Variants in UBA2 observed in about 807,000 individuals in gnomAD.
UBA2 encodes SUMO-activating enzyme subunit 2.
In UBA2, 11 loss-of-function variants were observed where a neutral mutation model predicts 77.2. The ratio of observed to expected loss-of-function variants is 0.14; its 90% CI spans 0.09 to 0.24. The LOEUF (loss-of-function observed/expected upper bound fraction) is 0.24. UBA2 is among the 10% of genes least tolerant of loss of function. UBA2 has a pLI of 1.00. For missense variants in UBA2, 487 were observed against 781.7 expected (o/e 0.62, Z 4.50); for synonymous variants, 278 against 276.7 (o/e 1.00, Z -0.05).
Position 34,445,007 on chromosome 19 carries a change from A to T in UBA2, c.657A>T (p.Pro219=), listed in dbSNP as rs143070624. Residue 219 remains proline, a synonymous_variant, in exon 8 of 17, where the codon CCA becomes CCT. Coordinates refer to ENST00000246548, the MANE Select transcript of UBA2 (RefSeq NM_005499.3). The part of the protein sequence containing the change: ...DRADPEAAWE[P]TEAEARARAS... ...ATAATGATCGTTTTATAGGGGAACC[A>T]ACGGAAGCCGAAGCCAGAGCTAGAG... 3.1e-6 allele frequency: 5 copies of T among 1,612,138 alleles called. No homozygotes were observed. In the African/African-American group the frequency reaches 6.7e-5, roughly 22 times the overall value.
intron 1 of UBA2, chr19:34,428,863 T>C: frequency 9.3e-7 from 1 of 1,076,388 alleles, no homozygotes; most frequent in Non-Finnish European, 1.1e-6. Context: ...AAGCCGCCTC[T>C]TATCCTCCCT....
chr19:34,434,580 G>C (rs759681034), intron 4 of UBA2, among the ~76,000 whole-genome samples: 9 of 152,202 alleles, frequency 5.9e-5, no homozygotes, highest in Non-Finnish European at 1.3e-4. Context: ...AGTGTTTTGT[G>C]TAAGGTACAG....
intron 10 of UBA2, 112 bp downstream of exon 10, chr19:34,452,259 A>G: frequency 2.0e-6 from 2 of 992,914 alleles, no homozygotes; most frequent in East Asian, 5.3e-5. Flanking sequence ...TTGAGGAAAT[A>G]TATTGATTTG....
intron 12 of UBA2, among the ~76,000 whole-genome samples, chr19:34,455,944 G>A (rs1204380071): frequency 1.3e-5 from 2 of 150,218 alleles, no homozygotes; most frequent in Admixed American, 6.8e-5. Flanking sequence ...CACTGCGCCC[G>A]GCCTTTTTTT....
intron 15 of UBA2, 71 bp downstream of exon 15, chr19:34,464,202 AGT>A: frequency 9.2e-7 from 1 of 1,091,514 alleles, no homozygotes; most frequent in Non-Finnish European, 1.4e-6. Flanking sequence ...ATGAAGGAAA[AGT>A]GTTTTCTTAT....
At chr19:34,432,200 A>G (rs572305839) in intron 3 of UBA2, among the ~76,000 whole-genome samples, 1 of 152,328 alleles carries the variant, frequency 6.6e-6, no homozygotes, top group African/African-American at 2.4e-5. Context: ...GTAAGAAGAT[A>G]TTTTAAACTA....
In UBA2 at chr19:34,431,150, C is replaced by T. The variant is rs115568168; in HGVS notation, c.222+491C>T. ...TTTTTCTTTCATATTTTGGCTTCCTCCTCCAGGAGTACTTTCCTAAACCTT... is the reference window on the plus strand; with the variant it reads ...TTTTTCTTTCATATTTTGGCTTCCTTCTCCAGGAGTACTTTCCTAAACCTT... On this transcript the variant is annotated intron_variant, in intron 2 of 16. Transcript: ENST00000246548. Among the ~76,000 whole-genome samples the T allele has an allele frequency of 3.7e-3, 561 of 151,996 alleles. 2 individuals carry two copies. Among genetic ancestry groups the T allele is most frequent in the African/African-American group, 0.013 (532 of 41,452 alleles).
Position 34,430,726 on chromosome 19 carries a change from C to T in UBA2, c.222+67C>T, listed in dbSNP as rs954642779. 37 of 1,297,418 alleles carry T rather than the reference C, an allele frequency of 2.9e-5. No individual in the cohort carries two copies. In the African/African-American group the frequency reaches 4.8e-4, roughly 17 times the overall value. 80.4% of individuals were successfully genotyped at this position (1,297,418 alleles called of 1,614,324 possible). On this transcript the variant is annotated intron_variant, in intron 2 of 16. Coordinates refer to ENST00000246548, the MANE Select transcript of UBA2 (RefSeq NM_005499.3). ...TTCTATTTGTGATACCAGATTAATCCTGCCTGTCATATAGGAGGGAAAAAA... is the reference window on the plus strand; with the variant it reads ...TTCTATTTGTGATACCAGATTAATCTTGCCTGTCATATAGGAGGGAAAAAA...
intron 8 of UBA2, among the ~76,000 whole-genome samples, chr19:34,445,824 CCT>C (rs566224676): frequency 7.9e-5 from 12 of 152,176 alleles, no homozygotes; most frequent in Middle Eastern, 3.4e-3. Flanking sequence ...CCCATAAGCC[CCT>C]TTTTCTTGGT....
intron 5 of UBA2, among the ~76,000 whole-genome samples, chr19:34,437,643 GA>G (rs1255072251): frequency 1.3e-5 from 2 of 152,130 alleles, no homozygotes; most frequent in Non-Finnish European, 2.9e-5. Flanking sequence ...CTGAGGTTAG[GA>G]ATATCTGAGA....
At chr19:34,459,082 T>C (rs1477334001) in intron 13 of UBA2, among the ~76,000 whole-genome samples, 158 bp downstream of exon 13, 5 of 152,246 alleles carry the variant, frequency 3.3e-5, no homozygotes, top group Admixed American at 3.3e-4. Flanking sequence ...CAGGCTTTTC[T>C]GTCTGTGGTT....
chr19:34,458,518 G>A (rs373266979), intron 12 of UBA2, among the ~76,000 whole-genome samples: 43 of 122,612 alleles, frequency 3.5e-4, no homozygotes, highest in Middle Eastern at 7.7e-3. Context: ...CCGAGATTGC[G>A]CCACTGCACT....
intron 7 of UBA2, 81 bp downstream of exon 7, chr19:34,443,992 A>G: frequency 1.1e-6 from 1 of 907,322 alleles, no homozygotes. Context: ...CTTAAGGGAA[A>G]AAAATTGCTA....
chr19:34,466,797 C>A, intron 15 of UBA2, 81 bp from the exon 16 acceptor site: 1 of 1,305,294 alleles, frequency 7.7e-7, no homozygotes, highest in Non-Finnish European at 1.1e-6. Flanking sequence ...ATAGTGTATG[C>A]TTTGAGGAAC....
rs1255384774 is a variant in UBA2 at position 34,469,217 on chromosome 19, A to T, written c.1919A>T (p.Asp640Val). The T allele has an allele frequency of 6.3e-7, 1 of 1,581,352 alleles. No individual in the cohort carries two copies. Among genetic ancestry groups the T allele is most frequent in the African/African-American group, 1.4e-5 (1 of 73,266 alleles). Residue 640 changes from aspartate (D) to valine (V), a missense_variant, in exon 17 of 17, where the codon GAT becomes GTT. Asp to Val is a radical substitution (Grantham distance 152). Around this residue, in one of 9 missense-constraint regions of UBA2, gnomAD observed 12 missense variants for 35.3 expected, o/e 0.34. Transcript: ENST00000246548. ...KEELDDVIALD is the reference protein window; with the variant it reads ...KEELDDVIALV ...GAGCTTGATGATGTCATAGCATTAG[A>T]TTGAACAGAAATGCCTCTAAACAGA...
At chr19:34,463,923 G>GGGACAC in intron 14 of UBA2, 103 bp from the exon 15 acceptor site, 1 of 756,880 alleles carries the variant, frequency 1.3e-6, no homozygotes, top group South Asian at 1.6e-5. Context: ...TTTGGTGAAC[G>GGGACAC]GGACACAAAT....
At chr19:34,456,912 T>C (rs2075569010) in intron 12 of UBA2, among the ~76,000 whole-genome samples, 1 of 151,896 alleles carries the variant, frequency 6.6e-6, no homozygotes, top group Admixed American at 6.6e-5. Context: ...CCTGAAGCTG[T>C]AGTATCCCTT....
rs886356678 is a variant in UBA2 at position 34,428,381 on chromosome 19, G to C, written c.-52G>C. 1 of 1,230,526 alleles carries C rather than the reference G, an allele frequency of 8.1e-7. No homozygotes were observed. The highest frequency in any genetic ancestry group is 1.0e-6 in the Non-Finnish European group (1 of 986,294). The allele number at this position is 1,230,526 out of a possible 1,614,324, so 76.2% of individuals were successfully genotyped here. On this transcript the variant is annotated 5_prime_UTR_variant, in exon 1 of 17. Transcript: ENST00000246548. ...GCCCTTCCCCCACCCGCTTCCGGCC[G>C]CGGCTCGGTTCTCCCGCCTCCGCCT...
At chr19:34,459,884 G>T (rs1001213380) in intron 13 of UBA2, among the ~76,000 whole-genome samples, 4 of 152,158 alleles carry the variant, frequency 2.6e-5, no homozygotes, top group Non-Finnish European at 5.9e-5. Flanking sequence ...TACAGCAGCG[G>T]GTGGTTGCCC....
Sources: gnomAD v4.1 joint callset for allele counts (sites outside exome capture counted in the v4.1 genomes callset) on GRCh38, gnomAD v4.1.1 for gene constraint, gnomAD v4.1.1 regional missense constraint, MANE v1.5 for transcripts, NCBI Gene and HGNC (gene_info 2026-07-23, HGNC 2026-07-21) for gene names.